GPR39: variants seen among roughly 807,000 people sequenced by gnomAD.
GPR39 encodes the protein G protein-coupled receptor 39.
A neutral mutation model predicts 18.4 loss-of-function variants in GPR39; 23 were observed. The ratio of observed to expected loss-of-function variants is 1.25; its 90% confidence interval spans 0.90 to 1.77. The LOEUF is 1.77. Among genes scored for constraint, GPR39 ranks in the 40% most tolerant of loss-of-function variants. GPR39 has a pLI of 0.00. For missense variants in GPR39, 647 were observed against 602.4 expected, an observed-to-expected ratio of 1.07 and a Z score of -0.78; for synonymous variants, 280 against 257.9, an observed-to-expected ratio of 1.09 and a Z score of -0.82.
chr2:132,516,186 A>G (rs1679328400), intron 1 of GPR39, among the ~76,000 whole-genome samples: 1 of 152,088 alleles, frequency 6.6e-6, no homozygotes, highest in Admixed American at 6.5e-5. Flanking sequence ...GTCCTTGGCC[A>G]TTCTTTACTG....
chr2:132,611,096 G>A (rs1259340837), intron 1 of GPR39, among the ~76,000 whole-genome samples: 2 of 152,164 alleles, frequency 1.3e-5, no homozygotes, highest in African/African-American at 4.8e-5. Flanking sequence ...TGCACAATCT[G>A]CAGAATTTTG....
rs774704964 is a variant in GPR39 at position 132,417,589 on chromosome 2, G to A, written c.547G>A (p.Val183Met). ...GGGTACTGAGTACCCCCTGGTGAAC[G>A]TGCCCAGCCACCGGGGTCTCACTTG... ...AMGTEYPLVN[V>M]PSHRGLTCNR... Residue 183 changes from valine (V) to methionine (M), a missense_variant, in exon 1 of 2, where the codon GTG becomes ATG. Transcript: ENST00000329321. The A allele has an allele frequency of 2.5e-6, 4 of 1,614,088 alleles. No homozygotes were observed. Among genetic ancestry groups the A allele is most frequent in the East Asian group, 2.2e-5 (1 of 44,860 alleles).
chr2:132,538,715 G>T (rs567668269), intron 1 of GPR39, among the ~76,000 whole-genome samples: 3 of 152,320 alleles, frequency 2.0e-5, no homozygotes, highest in Admixed American at 1.3e-4. Context: ...AATTCTGTCT[G>T]TAAGCCCCTG....
At chr2:132,645,005 A>G in intron 1 of GPR39, 96 bp from the exon 2 acceptor site, 3 of 1,406,302 alleles carry the variant, frequency 2.1e-6, no homozygotes, top group Non-Finnish European at 2.9e-6. Flanking sequence ...AGCACAGAAC[A>G]GAGGGGCTAA....
rs574010515 is a variant in GPR39, at chr2:132,421,269, A to G, written c.856+3371A>G. ...GGTCTGTGGACACTTGTGTGTGTCT[A>G]TTGCACACATGGCTTGCTATCAAGT... On this transcript the variant is annotated intron_variant, in intron 1 of 1. Coordinates refer to ENST00000329321, the MANE Select transcript of GPR39 (RefSeq NM_001508.3). 1.1e-4 allele frequency among the ~76,000 whole-genome samples: 16 copies of G among 152,290 alleles called. No homozygotes were observed. The East Asian group carries it at 2.3e-3, about 22-fold the overall frequency.
At chr2:132,501,054 GTTTTT>G (rs55720929) in intron 1 of GPR39, among the ~76,000 whole-genome samples, 6 of 90,294 alleles carry the variant, frequency 6.6e-5, no homozygotes, top group African/African-American at 1.2e-4. Flanking sequence ...TATCTTTTGT[GTTTTT>G]TTTTTTTTTT....
At chr2:132,592,690 A>G (rs902609139) in intron 1 of GPR39, among the ~76,000 whole-genome samples, 1 of 152,218 alleles carries the variant, frequency 6.6e-6, no homozygotes, top group African/African-American at 2.4e-5. Context: ...AAGCTAACGC[A>G]GTAATCCAAG....
chr2:132,468,816 A>C (rs1193704644), intron 1 of GPR39, among the ~76,000 whole-genome samples: 1 of 152,092 alleles, frequency 6.6e-6, no homozygotes, highest in Non-Finnish European at 1.5e-5. Context: ...ATGGGCCTGG[A>C]AAAAGGGGAC....
chr2:132,498,536 C>T (rs977562197), intron 1 of GPR39, among the ~76,000 whole-genome samples: 9 of 152,126 alleles, frequency 5.9e-5, no homozygotes, highest in East Asian at 1.9e-4. Context: ...TATAAACATG[C>T]GTGTGCTAGT....
intron 1 of GPR39, among the ~76,000 whole-genome samples, chr2:132,471,779 C>T (rs779565563): frequency 5.9e-5 from 9 of 151,872 alleles, no homozygotes; most frequent in Non-Finnish European, 1.2e-4. Flanking sequence ...AGGTCATTGT[C>T]GTACTTCCTT....
intron 1 of GPR39, among the ~76,000 whole-genome samples, chr2:132,506,161 A>ATT (rs34674290): frequency 2.8e-4 from 42 of 150,908 alleles, no homozygotes; most frequent in South Asian, 4.2e-4. Flanking sequence ...AATGCTGAGC[A>ATT]TTTTTTTTTC....
chr2:132,458,609 C>A (rs1422408291), intron 1 of GPR39, among the ~76,000 whole-genome samples: 1 of 151,866 alleles, frequency 6.6e-6, no homozygotes, highest in East Asian at 1.9e-4. Context: ...CATTACTTTT[C>A]ATATTTCTTT....
At chr2:132,513,136 C>CA (rs1452102910) in intron 1 of GPR39, among the ~76,000 whole-genome samples, 1 of 152,108 alleles carries the variant, frequency 6.6e-6, no homozygotes, top group East Asian at 1.9e-4. Context: ...TGGTTGGGTT[C>CA]CAGTAAGATG....
intron 1 of GPR39, among the ~76,000 whole-genome samples, chr2:132,581,879 G>A (rs915576958): frequency 2.0e-5 from 3 of 152,128 alleles, no homozygotes; most frequent in South Asian, 2.1e-4. Flanking sequence ...ATAAGAATGC[G>A]TGTGGCATGA....
intron 1 of GPR39, among the ~76,000 whole-genome samples, chr2:132,608,359 AC>A (rs1681178273): frequency 6.6e-6 from 1 of 152,004 alleles, no homozygotes; most frequent in African/African-American, 2.4e-5. Flanking sequence ...CATAGGGAGA[AC>A]CCCCCTGCAC....
At chr2:132,598,490 C>A in intron 1 of GPR39, among the ~76,000 whole-genome samples, 1 of 120,528 alleles carries the variant, frequency 8.3e-6, no homozygotes, top group African/African-American at 3.2e-5. Context: ...TTGTTTAAGG[C>A]TCCCAATTCT....
At chr2:132,475,611 C>T (rs749563140) in intron 1 of GPR39, among the ~76,000 whole-genome samples, 6 of 152,092 alleles carry the variant, frequency 3.9e-5, no homozygotes, top group South Asian at 4.2e-4. Context: ...CACCCTTACT[C>T]GTTAGGGCTC....
intron 1 of GPR39, among the ~76,000 whole-genome samples, chr2:132,471,696 T>G (rs1217323068): frequency 1.3e-5 from 2 of 151,794 alleles, no homozygotes; most frequent in East Asian, 3.9e-4. Context: ...TGCCTTAACT[T>G]CACTTTCAAT....
chr2:132,510,130 G>A lies in GPR39; in HGVS notation c.856+92232G>A, dbSNP rs150411687. ...AGATGGTTGGTCATAACATTTGTAA[G>A]CATAGTCCTGACAGGCTACTTGAAT... On this transcript the variant is annotated intron_variant, in intron 1 of 1. Transcript: ENST00000329321. Among the ~76,000 whole-genome samples the A allele has an allele frequency of 1.3e-5, 2 of 152,324 alleles. 1 individual carries two copies. The highest frequency in any genetic ancestry group is 3.9e-4 in the East Asian group (2 of 5,182).
Sources: allele counts gnomAD v4.1 joint callset (sites outside exome capture counted in the v4.1 genomes callset), GRCh38; gene constraint gnomAD v4.1.1; transcripts MANE v1.5; gene names NCBI Gene and HGNC (gene_info 2026-07-23, HGNC 2026-07-21).